CREBBP: variants seen among roughly 807,000 people sequenced by gnomAD.
The protein encoded by CREBBP is CREB binding lysine acetyltransferase, also known as CREB-binding protein.
A neutral mutation model predicts 265.0 loss-of-function variants in CREBBP; 19 were observed. The ratio of observed to expected loss-of-function variants is 0.07; its 90% CI spans 0.05 to 0.11. The LOEUF is 0.11. CREBBP is among the 10% of genes least tolerant of loss of function. The pLI is 1.00. For synonymous variants in CREBBP, 1,457 were observed against 1,223.7 expected (o/e 1.19, Z -3.98); for missense variants, 2,525 against 3,219.0 (o/e 0.78, Z 5.22).
intron 1 of CREBBP, among the ~76,000 whole-genome samples, chr16:3,872,216 T>A (rs1281987432): frequency 6.6e-6 from 1 of 152,176 alleles, no homozygotes; most frequent in Non-Finnish European, 1.5e-5. Flanking sequence ...ACCGCCTATA[T>A]TGTCTAGGAA....
At chr16:3,868,585 G>C (rs187186197) in intron 1 of CREBBP, among the ~76,000 whole-genome samples, 95 of 152,198 alleles carry the variant, frequency 6.2e-4, no homozygotes, top group African/African-American at 2.2e-3. Flanking sequence ...TGACATTCAA[G>C]GCCCTTGGTG....
intron 21 of CREBBP, among the ~76,000 whole-genome samples, chr16:3,748,467 C>T (rs1038981597): frequency 2.0e-5 from 3 of 152,182 alleles, no homozygotes. Context: ...CATCATCGTC[C>T]TGTCTGTGTA....
At chr16:3,819,128 A>G (rs1032261545) in intron 2 of CREBBP, among the ~76,000 whole-genome samples, 2 of 152,268 alleles carry the variant, frequency 1.3e-5, no homozygotes, top group African/African-American at 4.8e-5. Context: ...TCTTTCTGAA[A>G]AAACCAAATT....
Position 3,816,965 on chromosome 16 carries a change from G to A in CREBBP, c.799-6186C>T, listed in dbSNP as rs149027721. Among the ~76,000 whole-genome samples the A allele has an allele frequency of 4.2e-3, 646 of 152,276 alleles. 5 individuals carry two copies. Among genetic ancestry groups the A allele is most frequent in the African/African-American group, 0.015 (610 of 41,548 alleles). On this transcript the variant is annotated intron_variant, in intron 2 of 30. Transcript: ENST00000262367. The stretch of plus-strand genomic sequence containing the variant: ...AAGAGGGTCAGCAATGGCTGGAGGG[G>A]GCATCGGAAGAGGCAGCAGGAACAG...
chr16:3,774,785 T>A, intron 11 of CREBBP, 92 bp from the exon 12 acceptor site: 1 of 1,515,934 alleles, frequency 6.6e-7, no homozygotes, highest in Admixed American at 1.8e-5. Flanking sequence ...TAAAATAAGA[T>A]GGAACGCACA....
chr16:3,733,734 C>T (rs1217914880), intron 28 of CREBBP, among the ~76,000 whole-genome samples: 2 of 152,218 alleles, frequency 1.3e-5, no homozygotes, highest in South Asian at 2.1e-4. Flanking sequence ...CTGTGCCTCC[C>T]GGGTTCAAGT....
chr16:3,781,492 A>G (rs1340023518), intron 6 of CREBBP, among the ~76,000 whole-genome samples, 186 bp from the exon 7 acceptor site: 1 of 152,180 alleles, frequency 6.6e-6, no homozygotes, highest in Admixed American at 6.5e-5. Flanking sequence ...ATGGTAATCA[A>G]CGTGCACAAA....
chr16:3,751,170 C>T (rs2151372408), intron 20 of CREBBP, among the ~76,000 whole-genome samples: 1 of 152,296 alleles, frequency 6.6e-6, no homozygotes, highest in East Asian at 1.9e-4. Context: ...CAGTGGTCTC[C>T]AGTGGTAGGC....
At chr16:3,749,289 C>A (rs1214696071) in intron 21 of CREBBP, among the ~76,000 whole-genome samples, 1 of 152,184 alleles carries the variant, frequency 6.6e-6, no homozygotes, top group Non-Finnish European at 1.5e-5. Flanking sequence ...ACTAGTACTA[C>A]CCCACCAAAT....
At position 3,728,991 on chromosome 16, in the gene CREBBP, C is replaced by A. The variant is rs771420935; in HGVS notation, c.6056G>T (p.Gly2019Val). Residue 2019 changes from glycine (G) to valine (V), a missense_variant, in exon 31 of 31, where the codon GGG (glycine) becomes GTG (valine). Physicochemically the swap from Gly to Val is moderately radical, Grantham distance 109 (BLOSUM62 -3). Transcript: ENST00000262367. This position sits in a 1 kb window ranked among gnomAD's most constrained non-coding sequence, Gnocchi z 8.7. ...SGPVMPSMPP[G>V]QWQQAPLPQQ... ...GGGAAGGGGCGCCTGCTGCCACTGC[C>A]CGGGAGGCATGCTGGGCATGACGGG... 1.6e-5 allele frequency: 25 copies of A among 1,595,180 alleles called. No homozygotes were observed. Among genetic ancestry groups the A allele is most frequent in the Non-Finnish European group, 2.1e-5 (25 of 1,176,348 alleles).
chr16:3,818,974 G>A (rs542798856), intron 2 of CREBBP, among the ~76,000 whole-genome samples: 2 of 152,338 alleles, frequency 1.3e-5, no homozygotes, highest in African/African-American at 4.8e-5. Context: ...ACCCTTGCAC[G>A]GGGGCTCATC....
chr16:3,772,538 T>C (rs1032803223), intron 13 of CREBBP, among the ~76,000 whole-genome samples: 3 of 152,088 alleles, frequency 2.0e-5, no homozygotes, highest in South Asian at 2.1e-4. Context: ...TAAAGCTTTA[T>C]TGGCACACAG....
At chr16:3,748,004 C>G (rs550430403) in intron 21 of CREBBP, among the ~76,000 whole-genome samples, 1 of 152,300 alleles carries the variant, frequency 6.6e-6, no homozygotes, top group African/African-American at 2.4e-5. Flanking sequence ...GCAGGAGAAT[C>G]GCTTGAACCC....
intron 2 of CREBBP, among the ~76,000 whole-genome samples, chr16:3,847,640 G>C (rs1029854775): frequency 6.6e-6 from 1 of 152,204 alleles, no homozygotes; most frequent in Non-Finnish European, 1.5e-5. Context: ...AGACCACTCT[G>C]TATAAAGGAA....
intron 3 of CREBBP, among the ~76,000 whole-genome samples, chr16:3,801,988 C>G (rs559365132): frequency 1.3e-5 from 2 of 152,172 alleles, no homozygotes; most frequent in Admixed American, 6.5e-5. Context: ...CATCTTCACT[C>G]GGTTTAGCCA....
chr16:3,820,138 C>G (rs942190756), intron 2 of CREBBP, among the ~76,000 whole-genome samples: 2 of 152,166 alleles, frequency 1.3e-5, no homozygotes, highest in African/African-American at 2.4e-5. Context: ...ACCAGAACCA[C>G]CCCAGACTAC....
intron 28 of CREBBP, among the ~76,000 whole-genome samples, chr16:3,735,198 C>T (rs2052021543): frequency 6.6e-6 from 1 of 152,220 alleles, no homozygotes; most frequent in Non-Finnish European, 1.5e-5. Context: ...GCTCCTTCCC[C>T]TTCAGAGCTC....
Position 3,782,674 on chromosome 16 carries a change from C to T in CREBBP, c.1573+10G>A, listed in dbSNP as rs1234394238. On this transcript the variant is annotated intron_variant, in intron 6 of 30. Coordinates refer to ENST00000262367, the MANE Select transcript of CREBBP (RefSeq NM_004380.3). ...CAAGTAAGAACGAAGTTGAGAGTTC[C>T]TTCACCTACCCAGGGGGTTGAGAGT... The T allele has an allele frequency of 6.2e-7, 1 of 1,613,818 alleles. No individual in the cohort carries two copies. Among genetic ancestry groups the T allele is most frequent in the Non-Finnish European group, 8.5e-7 (1 of 1,179,836 alleles).
At chr16:3,798,289 C>A (rs570789764) in intron 3 of CREBBP, among the ~76,000 whole-genome samples, 1 of 151,912 alleles carries the variant, frequency 6.6e-6, no homozygotes, top group Non-Finnish European at 1.5e-5. Context: ...TACTACGTCA[C>A]CAAAAGTGCA....
Sources: allele counts gnomAD v4.1 joint callset (sites outside exome capture counted in the v4.1 genomes callset), GRCh38; gene constraint gnomAD v4.1.1; non-coding constraint Gnocchi (gnomAD v3.1); transcripts MANE v1.5; gene names NCBI Gene and HGNC (gene_info 2026-07-23, HGNC 2026-07-21).